ABL1: variants seen among roughly 807,000 people sequenced by gnomAD.
The protein encoded by ABL1 is tyrosine-protein kinase ABL1.
In ABL1, 11 loss-of-function variants were observed where a neutral mutation model predicts 94.7. The ratio of observed to expected loss-of-function variants is 0.12; its 90% CI spans 0.07 to 0.19. ABL1 has a LOEUF of 0.19. Ranked by LOEUF, ABL1 falls within the 10% of genes least tolerant of loss-of-function variation. The probability of loss-of-function intolerance (pLI) is 1.00; values close to 1 mark genes in which losing one functional copy is unlikely to be tolerated. For synonymous variants in ABL1, 656 were observed against 622.4 expected (o/e 1.05, Z -0.80); for missense variants, 1,082 against 1,489.4 (o/e 0.73, Z 4.50).
chr9:130,790,291 CT>C (rs1157221325), intron 1 of ABL1, among the ~76,000 whole-genome samples: 2 of 151,962 alleles, frequency 1.3e-5, no homozygotes, highest in African/African-American at 4.8e-5. Context: ...GGCCCCCACC[CT>C]TTTGTCTTTC....
chr9:130,818,186 C>G (rs1004416031), intron 1 of ABL1, among the ~76,000 whole-genome samples: 2 of 152,100 alleles, frequency 1.3e-5, no homozygotes, highest in African/African-American at 4.8e-5. Flanking sequence ...TTCAGTTTAT[C>G]GGGCCAGGCT....
At chr9:130,817,155 A>G (rs1830297856) in intron 1 of ABL1, among the ~76,000 whole-genome samples, 2 of 152,260 alleles carry the variant, frequency 1.3e-5, no homozygotes, top group Non-Finnish European at 2.9e-5. Flanking sequence ...TAAGATCTGT[A>G]AAAAGTAAAG....
intron 1 of ABL1, among the ~76,000 whole-genome samples, chr9:130,747,840 T>C (rs35922272): frequency 0.019 from 2,827 of 152,294 alleles, 27 homozygotes; most frequent in Non-Finnish European, 0.026. Flanking sequence ...TAGGGTACAT[T>C]CATAGGTTCC....
rs773517364 is a variant in ABL1 at position 130,872,978 on chromosome 9, C to T, written c.1026C>T (p.Tyr342=). Residue 342 remains tyrosine (Y), a synonymous_variant, in exon 6 of 11, where the codon TAC becomes TAT. Coordinates refer to ENST00000318560, the MANE Select transcript of ABL1 (RefSeq NM_005157.6). The surrounding 1 kb of genome is among the most constrained non-coding windows in gnomAD (Gnocchi z 5.0). The stretch of plus-strand genomic sequence containing the variant: ...AGGTGAACGCCGTGGTGCTGCTGTA[C>T]ATGGCCACTCAGATCTCGTCAGCCA... The part of the protein sequence containing the change: ...RQEVNAVVLL[Y]MATQISSAME... 2.5e-6 allele frequency: 4 copies of T among 1,614,182 alleles called. No homozygotes were observed. The South Asian group carries it at 3.3e-5, about 13-fold the overall frequency.
chr9:130,791,482 T>A (rs1829907875), intron 1 of ABL1, among the ~76,000 whole-genome samples: 1 of 152,074 alleles, frequency 6.6e-6, no homozygotes, highest in Non-Finnish European at 1.5e-5. Context: ...ACATTTGAGC[T>A]GGGGGACTAG....
At chr9:130,878,993 T>C (rs1297048142) in intron 8 of ABL1, among the ~76,000 whole-genome samples, 1 of 151,402 alleles carries the variant, frequency 6.6e-6, no homozygotes, top group Non-Finnish European at 1.5e-5. Context: ...TTCTCCTGCC[T>C]CAGCCTCCCA....
At chr9:130,865,066 G>A (rs1238934303) in intron 4 of ABL1, among the ~76,000 whole-genome samples, 1 of 152,220 alleles carries the variant, frequency 6.6e-6, no homozygotes, top group Non-Finnish European at 1.5e-5. Context: ...GGAGACCTGT[G>A]TGGTTTGTGG....
At chr9:130,879,639 C>T (rs1188099459) in intron 8 of ABL1, among the ~76,000 whole-genome samples, 1 of 152,182 alleles carries the variant, frequency 6.6e-6, no homozygotes, top group East Asian at 1.9e-4. Flanking sequence ...GTGACTGTTC[C>T]TGGTCCCCAG....
Position 130,885,943 on chromosome 9 carries a change from C to T in ABL1, c.*260C>T, listed in dbSNP as rs1387352744. 2.3e-5 allele frequency: 11 copies of T among 482,472 alleles called. No homozygotes were observed. The East Asian group carries it at 3.6e-4, about 16-fold the overall frequency. 29.9% of individuals were successfully genotyped at this position (482,472 alleles called of 1,614,324 possible). ...TGTGGAGTTCCTGCTCCGTGGACTG[C>T]AGTCGGCATGCCAGGACCCGCCAGC... On this transcript the variant is annotated 3_prime_UTR_variant, in exon 11 of 11. Transcript: ENST00000318560.
intron 1 of ABL1, among the ~76,000 whole-genome samples, chr9:130,792,877 C>T (rs1030255086): frequency 1.3e-5 from 2 of 152,318 alleles, no homozygotes; most frequent in South Asian, 2.1e-4. Flanking sequence ...TTTTCACTAA[C>T]ACCATCTTGC....
rs144056081 is a variant in ABL1 at position 130,791,887 on chromosome 9, A to G, written c.137-62177A>G. On this transcript the variant is annotated intron_variant, in intron 1 of 10. Transcript: ENST00000372348. ...AGTTCTCCCAAATAAACTCCCTTTC[A>G]TATATACATATATCCTATTAGTTCT... 1.3e-4 allele frequency among the ~76,000 whole-genome samples: 20 copies of G among 152,254 alleles called. 1 individual carries two copies. The South Asian group carries it at 1.9e-3, about 14-fold the overall frequency.
At chr9:130,832,127 AT>A (rs11442726), upstream of ABL1, among the ~76,000 whole-genome samples, 594 of 141,872 alleles carry the variant, frequency 4.2e-3, 2 homozygotes, top group Non-Finnish European at 5.2e-3. Context: ...CCTTCTAAAT[AT>A]TTTTTTTTTT....
At chr9:130,882,177 C>T (rs1831468399) in intron 10 of ABL1, among the ~76,000 whole-genome samples, 1 of 152,112 alleles carries the variant, frequency 6.6e-6, no homozygotes, top group Non-Finnish European at 1.5e-5. Flanking sequence ...GAACGCTGTG[C>T]TTATTAAGAA....
intron 1 of ABL1, among the ~76,000 whole-genome samples, chr9:130,730,990 CTA>C (rs1289527156): frequency 4.3e-5 from 6 of 138,976 alleles, no homozygotes; most frequent in African/African-American, 1.1e-4. Context: ...CGTTTTCACT[CTA>C]TCTCTCTTTT....
At chr9:130,766,181 C>T (rs1361727273) in intron 1 of ABL1, among the ~76,000 whole-genome samples, 2 of 152,224 alleles carry the variant, frequency 1.3e-5, no homozygotes, top group Non-Finnish European at 2.9e-5. Context: ...CCATGGCACT[C>T]ACAGACACAT....
rs144436961 is a variant in ABL1, at chr9:130,885,634, G to C, written c.3344G>C (p.Ser1115Thr). 158 of 1,613,280 alleles carry C rather than the reference G, an allele frequency of 9.8e-5. 1 individual carries two copies. In the African/African-American group the frequency reaches 1.9e-3, roughly 19 times the overall value. ...GSGPAATQDFSKLLSSVKEIS... is the reference protein window; with the variant it reads ...GSGPAATQDFTKLLSSVKEIS... The stretch of plus-strand genomic sequence containing the variant: ...GGTCCAGCGGCCACTCAGGACTTCA[G>C]CAAGCTCCTCAGTTCGGTGAAGGAA... Residue 1115 changes from serine (S) to threonine (T), a missense_variant, in exon 11 of 11, where the codon AGC becomes ACC. This residue lies in a region of ABL1 where 780 missense variants were observed against 835.8 expected (regional missense o/e 0.93). Coordinates refer to ENST00000318560, the MANE Select transcript of ABL1 (RefSeq NM_005157.6).
rs974281606 is a variant in ABL1, at chr9:130,842,347, G to A, written c.79+6822G>A. 5.3e-5 allele frequency among the ~76,000 whole-genome samples: 8 copies of A among 152,306 alleles called. No individual in the cohort carries two copies. The East Asian group carries it at 1.5e-3, about 29-fold the overall frequency. On this transcript the variant is annotated intron_variant, in intron 1 of 10. Transcript: ENST00000318560. ...CTTGATACGGGATCAGTAAGTATTA[G>A]CTATTATTCTATCACATTAAGTTGC...
In ABL1 at chr9:130,862,688, A is replaced by G. The variant is rs1044402373; in HGVS notation, c.550-75A>G. The stretch of plus-strand genomic sequence containing the variant: ...TTTGCTGTGTAGTGAATTAAGGCTC[A>G]GCCAAACTGGCTCACGTGAGCTCTT... On this transcript the variant is annotated intron_variant, in intron 3 of 10. Coordinates refer to ENST00000318560, the MANE Select transcript of ABL1 (RefSeq NM_005157.6). The surrounding 1 kb of genome is among the most constrained non-coding windows in gnomAD (Gnocchi z 5.5). 1 of 1,538,816 alleles carries G rather than the reference A, an allele frequency of 6.5e-7. No individual in the cohort carries two copies. The highest frequency in any genetic ancestry group is 1.4e-5 in the African/African-American group (1 of 72,846).
rs374402211 is a variant in ABL1 at position 130,859,635 on chromosome 9, A to G, written c.550-3128A>G. 2.8e-5 allele frequency among the ~76,000 whole-genome samples: 4 copies of G among 143,718 alleles called. No homozygotes were observed. The East Asian group carries it at 8.5e-4, about 31-fold the overall frequency. 94.3% of individuals were successfully genotyped at this position (143,718 alleles called of 152,430 possible). A position where few individuals can be genotyped will look rare whatever the true frequency, so the allele number is the denominator to read the frequency against. On this transcript the variant is annotated intron_variant, in intron 3 of 10. Coordinates refer to ENST00000318560, the MANE Select transcript of ABL1 (RefSeq NM_005157.6). ...AAGTCTAAGCTCCGTTAGGCCTGTC[A>G]GTGTGGCTGTCAAAAGAAACGCTGT...
Sources: gnomAD v4.1 joint callset for allele counts (sites outside exome capture counted in the v4.1 genomes callset) on GRCh38, gnomAD v4.1.1 for gene constraint, gnomAD v4.1.1 regional missense constraint, Gnocchi (gnomAD v3.1) non-coding constraint, MANE v1.5 for transcripts, NCBI Gene and HGNC (gene_info 2026-07-23, HGNC 2026-07-21) for gene names.